SORCS2: variants seen among roughly 807,000 people sequenced by gnomAD.
SORCS2 encodes sortilin related VPS10 domain containing receptor 2, also known as VPS10 domain-containing receptor SorCS2.
In SORCS2, 100 loss-of-function variants were observed where a neutral mutation model predicts 141.6. The observed-to-expected ratio is 0.71, with a 90% CI of 0.60 to 0.83. The LOEUF is 0.83. Ranked by LOEUF, SORCS2 falls within the 40% of genes least tolerant of loss-of-function variation. SORCS2 has a pLI of 0.00. For synonymous variants in SORCS2, 789 were observed against 676.9 expected, an observed-to-expected ratio of 1.17 and a Z score of -2.57; for missense variants, 1,646 against 1,560.2, an observed-to-expected ratio of 1.05 and a Z score of -0.93.
At chr4:7,395,113 G>A (rs1219999619) in intron 1 of SORCS2, among the ~76,000 whole-genome samples, 3 of 152,328 alleles carry the variant, frequency 2.0e-5, no homozygotes, top group Middle Eastern at 3.4e-3. Flanking sequence ...ACAAGGCCTC[G>A]CTTTTTTAAA....
chr4:7,505,168 T>C (rs1365336838), intron 2 of SORCS2, among the ~76,000 whole-genome samples: 1 of 152,214 alleles, frequency 6.6e-6, no homozygotes, highest in African/African-American at 2.4e-5. Flanking sequence ...GTGATGAGGC[T>C]AGCGTTGTGG....
At chr4:7,434,489 C>T (rs1435716230) in intron 2 of SORCS2, 2 of 1,611,832 alleles carry the variant, frequency 1.2e-6, no homozygotes, top group Non-Finnish European at 1.7e-6. Context: ...CACACCTGTG[C>T]CGGGGCACTG....
chr4:7,243,801 C>T (rs1031333981), intron 1 of SORCS2, among the ~76,000 whole-genome samples: 1 of 152,256 alleles, frequency 6.6e-6, no homozygotes. Context: ...CAGGTAGCTT[C>T]CCTGCGAGGG....
At chr4:7,523,083 C>T (rs6857623) in intron 2 of SORCS2, among the ~76,000 whole-genome samples, 32,808 of 147,380 alleles carry the variant, frequency 0.22, 3,923 homozygotes, top group Middle Eastern at 0.28. Context: ...CTTCCTCTTC[C>T]CATTTCCCTC....
At position 7,482,751 on chromosome 4, in the gene SORCS2, A is replaced by G. The variant is rs1489293126; in HGVS notation, c.549-48779A>G. On this transcript the variant is annotated intron_variant, in intron 2 of 26. Coordinates refer to ENST00000507866, the MANE Select transcript of SORCS2 (RefSeq NM_020777.3). ...TGTATCCCCGCTGCGGACACCCCTG[A>G]CGCTGTTCAGACCTGTATCCCCGCT... Among the ~76,000 whole-genome samples, 125 of 91,512 alleles carry G rather than the reference A, an allele frequency of 1.4e-3. 3 individuals carry two copies. The highest frequency in any genetic ancestry group is 0.012 in the East Asian group (28 of 2,274). 60.0% of individuals were successfully genotyped at this position (91,512 alleles called of 152,430 possible). A position where few individuals can be genotyped will look rare whatever the true frequency, so the allele number is the denominator to read the frequency against.
rs181199077 is a variant in SORCS2, at chr4:7,407,860, T to C, written c.548+11505T>C. 3.9e-4 allele frequency among the ~76,000 whole-genome samples: 60 copies of C among 152,272 alleles called. 2 individuals carry two copies. The East Asian group carries it at 0.011, about 29-fold the overall frequency. ...AAATCTATTATAGGTTTTTGCATTA[T>C]GGTTATCATGAGGCTTATAAAATCA... is the stretch of plus-strand genomic sequence containing the variant. On this transcript the variant is annotated intron_variant, in intron 2 of 26. Transcript: ENST00000507866.
intron 3 of SORCS2, among the ~76,000 whole-genome samples, chr4:7,545,099 T>C (rs1713145173): frequency 1.3e-5 from 2 of 151,340 alleles, no homozygotes; most frequent in Non-Finnish European, 2.9e-5. Flanking sequence ...TGGAAAATTA[T>C]TCCCTCTTAA....
At chr4:7,520,394 G>A (rs774138884) in intron 2 of SORCS2, among the ~76,000 whole-genome samples, 7 of 152,332 alleles carry the variant, frequency 4.6e-5, no homozygotes, top group African/African-American at 1.7e-4. Context: ...CCGTGGGTCA[G>A]GTCCGAGGTC....
At position 7,525,799 on chromosome 4, in the gene SORCS2, C is replaced by T. The variant is rs571982028; in HGVS notation, c.549-5731C>T. Among the ~76,000 whole-genome samples, 15 of 138,722 alleles carry T rather than the reference C, an allele frequency of 1.1e-4. 1 individual carries two copies. Among genetic ancestry groups the T allele is most frequent in the African/African-American group, 4.2e-4 (15 of 35,870 alleles). The allele number at this position is 138,722 out of a possible 152,430, so 91.0% of individuals were successfully genotyped here. A position where few individuals can be genotyped will look rare whatever the true frequency, so the allele number is the denominator to read the frequency against. On this transcript the variant is annotated intron_variant, in intron 2 of 26. Coordinates refer to ENST00000507866, the MANE Select transcript of SORCS2 (RefSeq NM_020777.3). ...CTCCTGCAGTCACCTGTCCCCTCCTCATACCTGTTCCCTGCAGTCACCTGT... is the reference window on the plus strand; with the variant it reads ...CTCCTGCAGTCACCTGTCCCCTCCTTATACCTGTTCCCTGCAGTCACCTGT...
intron 2 of SORCS2, among the ~76,000 whole-genome samples, chr4:7,523,473 G>A (rs1378801867): frequency 2.6e-5 from 4 of 152,120 alleles, no homozygotes; most frequent in South Asian, 4.1e-4. Flanking sequence ...CACTCTGGCC[G>A]GGAGATCTGT....
intron 1 of SORCS2, among the ~76,000 whole-genome samples, chr4:7,266,869 C>T (rs913390599): frequency 1.3e-5 from 2 of 152,260 alleles, no homozygotes; most frequent in Admixed American, 6.5e-5. Context: ...AGTCCCAGCT[C>T]GGCCCCCTGT....
chr4:7,369,463 C>T (rs186906350), intron 1 of SORCS2, among the ~76,000 whole-genome samples: 2 of 152,354 alleles, frequency 1.3e-5, no homozygotes, highest in Non-Finnish European at 1.5e-5. Flanking sequence ...CAATTCCCTG[C>T]AGCAGCCCCA....
At chr4:7,394,827 C>G (rs900735440) in intron 1 of SORCS2, among the ~76,000 whole-genome samples, 2 of 152,118 alleles carry the variant, frequency 1.3e-5, no homozygotes, top group Non-Finnish European at 2.9e-5. Flanking sequence ...GCCTGGATCT[C>G]ACTGCTCCAA....
chr4:7,609,351 C>T (rs920771263), intron 3 of SORCS2, among the ~76,000 whole-genome samples: 1 of 152,336 alleles, frequency 6.6e-6, no homozygotes, highest in South Asian at 2.1e-4. Context: ...TTCTCTTCCT[C>T]ATAGCTCCGT....
At chr4:7,381,204 T>A (rs941252189) in intron 1 of SORCS2, among the ~76,000 whole-genome samples, 1 of 152,230 alleles carries the variant, frequency 6.6e-6, no homozygotes, top group Non-Finnish European at 1.5e-5. Context: ...ATTGGGTTTC[T>A]TGAGCTGTTT....
At chr4:7,573,191 C>T (rs1203170081) in intron 3 of SORCS2, among the ~76,000 whole-genome samples, 1 of 152,162 alleles carries the variant, frequency 6.6e-6, no homozygotes, top group Non-Finnish European at 1.5e-5. Context: ...CTCTTGAAAG[C>T]ATATTGTTTA....
intron 3 of SORCS2, among the ~76,000 whole-genome samples, chr4:7,552,683 G>A (rs1713802855): frequency 1.3e-5 from 2 of 152,160 alleles, no homozygotes; most frequent in South Asian, 2.1e-4. Context: ...GCCCTCAGTG[G>A]GGTGGGCATC....
Position 7,436,287 on chromosome 4 carries a change from G to A in SORCS2, c.548+39932G>A, listed in dbSNP as rs115285628. ...ACCTGGACTTGGCTCAGCCAAGCAC[G>A]TGTTGATACATTTCTATGGGCTTAT... On this transcript the variant is annotated intron_variant, in intron 2 of 26. Coordinates refer to ENST00000507866, the MANE Select transcript of SORCS2 (RefSeq NM_020777.3). Among the ~76,000 whole-genome samples, 1,084 of 152,328 alleles carry A rather than the reference G, an allele frequency of 7.1e-3. 8 individuals carry two copies. The highest frequency in any genetic ancestry group is 0.024 in the African/African-American group (982 of 41,584).
intron 2 of SORCS2, among the ~76,000 whole-genome samples, chr4:7,412,274 C>T (rs1326327985): frequency 6.6e-6 from 1 of 152,212 alleles, no homozygotes; most frequent in African/African-American, 2.4e-5. Context: ...AGGCCGATGG[C>T]CACCCCCTGG....
Sources: gnomAD v4.1 joint callset for allele counts (sites outside exome capture counted in the v4.1 genomes callset) on GRCh38, gnomAD v4.1.1 for gene constraint, MANE v1.5 for transcripts, NCBI Gene and HGNC (gene_info 2026-07-23, HGNC 2026-07-21) for gene names.